The following DCC variants were observed in gnomAD, a reference collection of about 807,000 sequenced individuals.
DCC encodes DCC netrin 1 receptor, also known as netrin receptor DCC.
In DCC, 58 loss-of-function variants were observed where a neutral mutation model predicts 172.5. The ratio of observed to expected loss-of-function variants is 0.34; its 90% CI spans 0.27 to 0.42. DCC has a LOEUF of 0.42. DCC is among the 10% of genes least tolerant of loss of function. The probability of loss-of-function intolerance (pLI) is 1.00; values close to 1 mark genes in which losing one functional copy is unlikely to be tolerated. For missense variants in DCC, 1,740 were observed against 1,791.0 expected (o/e 0.97, Z 0.51); for synonymous variants, 709 against 644.5 (o/e 1.10, Z -1.52).
intron 2 of DCC, among the ~76,000 whole-genome samples, chr18:52,884,376 T>C (rs950151803): frequency 4.0e-5 from 6 of 151,856 alleles, no homozygotes; most frequent in Admixed American, 2.6e-4. Flanking sequence ...GTGTGCTTCA[T>C]TGTTTTTTAT....
intron 7 of DCC, among the ~76,000 whole-genome samples, chr18:53,114,044 A>C (rs1170791179): frequency 4.0e-5 from 6 of 151,510 alleles, no homozygotes; most frequent in Non-Finnish European, 7.4e-5. Context: ...ATGAAGATAG[A>C]CTATAAATTA....
chr18:53,496,528 A>G (rs1409312635), intron 26 of DCC, among the ~76,000 whole-genome samples: 2 of 152,226 alleles, frequency 1.3e-5, no homozygotes, highest in African/African-American at 2.4e-5. Flanking sequence ...AATGTCTGAA[A>G]ATTCCAAAAA....
intron 7 of DCC, among the ~76,000 whole-genome samples, chr18:53,133,539 G>T (rs1161444862): frequency 6.6e-6 from 1 of 152,066 alleles, no homozygotes; most frequent in Non-Finnish European, 1.5e-5. Flanking sequence ...GGAGTATTCT[G>T]GTTTTGATCC....
intron 16 of DCC, among the ~76,000 whole-genome samples, chr18:53,388,203 T>C (rs368473009): frequency 4.4e-4 from 67 of 152,348 alleles, no homozygotes; most frequent in African/African-American, 1.6e-3. Flanking sequence ...GAATGCGTGA[T>C]TCCAGCCCTT....
intron 1 of DCC, among the ~76,000 whole-genome samples, chr18:52,473,938 C>T (rs1989016570): frequency 6.6e-6 from 1 of 152,134 alleles, no homozygotes; most frequent in African/African-American, 2.4e-5. Flanking sequence ...CCTCTTCTGA[C>T]ATCCTCAGGA....
intron 5 of DCC, among the ~76,000 whole-genome samples, chr18:52,979,516 T>TTTCTCAGTCAGAGTATTCTTCAA: frequency 6.6e-6 from 1 of 152,196 alleles, no homozygotes; most frequent in Non-Finnish European, 1.5e-5. Flanking sequence ...TGCAGCTGTC[T>TTTCTCAGTCAGAGTATTCTTCAA]TTCTCAGTCA....
At chr18:53,340,796 C>A (rs1428135642) in intron 15 of DCC, among the ~76,000 whole-genome samples, 4 of 152,160 alleles carry the variant, frequency 2.6e-5, no homozygotes, top group African/African-American at 9.6e-5. Flanking sequence ...TATTACATGA[C>A]CCCACTGGAA....
intron 5 of DCC, among the ~76,000 whole-genome samples, chr18:52,951,939 A>G (rs2040654864): frequency 6.6e-6 from 1 of 152,204 alleles, no homozygotes; most frequent in Non-Finnish European, 1.5e-5. Context: ...AGGATGCCCA[A>G]CTAGTATGTA....
intron 1 of DCC, among the ~76,000 whole-genome samples, chr18:52,657,394 A>C (rs920285781): frequency 2.6e-5 from 4 of 152,188 alleles, no homozygotes; most frequent in African/African-American, 9.7e-5. Context: ...CCGGGATTCT[A>C]AACTAGAAAG....
intron 27 of DCC, among the ~76,000 whole-genome samples, chr18:53,508,880 C>A (rs1368735265): frequency 6.6e-6 from 1 of 152,160 alleles, no homozygotes; most frequent in Admixed American, 6.5e-5. Context: ...CATTTGACAG[C>A]CAGGAAGCCA....
chr18:53,521,347 A>G (rs1305064463), intron 27 of DCC, among the ~76,000 whole-genome samples: 1 of 152,156 alleles, frequency 6.6e-6, no homozygotes, highest in African/African-American at 2.4e-5. Flanking sequence ...TCCATGCCCT[A>G]TTGTAATAAT....
chr18:53,122,663 A>G (rs1424425668), intron 7 of DCC, among the ~76,000 whole-genome samples: 1 of 152,094 alleles, frequency 6.6e-6, no homozygotes, highest in African/African-American at 2.4e-5. Flanking sequence ...GTCAGATTCA[A>G]TTCAGACTTT....
chr18:52,369,970 A>G (rs1404363784), intron 1 of DCC, among the ~76,000 whole-genome samples: 1 of 152,200 alleles, frequency 6.6e-6, no homozygotes, highest in African/African-American at 2.4e-5. Context: ...CTAATTGCAG[A>G]AAAGAAAATA....
chr18:53,377,056 C>A (rs1354695387), intron 15 of DCC, among the ~76,000 whole-genome samples: 2 of 152,122 alleles, frequency 1.3e-5, no homozygotes, highest in East Asian at 1.9e-4. Flanking sequence ...CCTAAAAGTG[C>A]AGTTTGAAAC....
rs2056564298 is a variant in DCC, at chr18:53,259,330, T to G, written c.1911+43733T>G. Among the ~76,000 whole-genome samples, 5 of 152,214 alleles carry G rather than the reference T, an allele frequency of 3.3e-5. No individual in the cohort carries two copies. In the South Asian group the frequency reaches 1.0e-3, roughly 32 times the overall value. ...TTGATGGTCTTTACAATTTGGGATG[T>G]TTTTGCAGTGTCTGGTACCAGTTGT... is the stretch of plus-strand genomic sequence containing the variant. On this transcript the variant is annotated intron_variant, in intron 12 of 28. Transcript: ENST00000442544.
intron 7 of DCC, 21 bp from the exon 8 acceptor site, chr18:53,157,335 C>T: frequency 1.2e-6 from 2 of 1,604,806 alleles, no homozygotes; most frequent in South Asian, 1.1e-5. Flanking sequence ...CCTCTGATAG[C>T]CTCCTCTTCT....
chr18:53,526,718 G>A lies in DCC; in HGVS notation c.4213G>A (p.Val1405Met). The A allele has an allele frequency of 6.2e-7, 1 of 1,613,540 alleles. No individual in the cohort carries two copies. The highest frequency in any genetic ancestry group is 8.5e-7 in the Non-Finnish European group (1 of 1,179,670). Residue 1405 changes from valine (V) to methionine (M), a missense_variant, in exon 28 of 29, where the codon GTG (valine) becomes ATG (methionine). Physicochemically the swap from Val to Met is conservative, Grantham distance 21. Coordinates refer to ENST00000442544, the MANE Select transcript of DCC (RefSeq NM_005215.4). ...TGTGTCTGTGCCAACAGCCCCTGAA[G>A]TGTCTGAGGAGAGCCACAAACCAAC... is the stretch of plus-strand genomic sequence containing the variant. Reference protein sequence around the residue: ...LPVSVPTAPEVSEESHKPTED... With the variant: ...LPVSVPTAPEMSEESHKPTED...
intron 24 of DCC, among the ~76,000 whole-genome samples, chr18:53,466,612 G>A (rs1332665374): frequency 6.6e-6 from 1 of 151,978 alleles, no homozygotes; most frequent in Non-Finnish European, 1.5e-5. Context: ...TGCAACCTCC[G>A]CCTCCTGGGT....
intron 19 of DCC, among the ~76,000 whole-genome samples, chr18:53,404,524 G>T (rs1237978434): frequency 6.6e-6 from 1 of 152,002 alleles, no homozygotes; most frequent in East Asian, 1.9e-4. Flanking sequence ...GAGGTCAGGA[G>T]ATCGAGACCA....
Sources: allele counts gnomAD v4.1 joint callset (sites outside exome capture counted in the v4.1 genomes callset), GRCh38; gene constraint gnomAD v4.1.1; transcripts MANE v1.5; gene names NCBI Gene and HGNC (gene_info 2026-07-23, HGNC 2026-07-21).